SPAG9: variants seen among roughly 807,000 people sequenced by gnomAD.
The protein encoded by SPAG9 is C-Jun-amino-terminal kinase-interacting protein 4.
Under a neutral mutation model 166.5 loss-of-function variants are expected in SPAG9, and 35 were observed. That is an observed-to-expected ratio of 0.21 (90% CI 0.16 to 0.28). The LOEUF (loss-of-function observed/expected upper bound fraction) is 0.28. Among genes scored for constraint, SPAG9 ranks in the 10% least tolerant of loss-of-function variants. The pLI is 1.00. For missense variants in SPAG9, 1,235 were observed against 1,603.3 expected, an observed-to-expected ratio of 0.77 and a Z score of 3.92; for synonymous variants, 534 against 565.5, an observed-to-expected ratio of 0.94 and a Z score of 0.79.
intron 1 of SPAG9, among the ~76,000 whole-genome samples, chr17:51,089,409 A>G (rs1434893105): frequency 6.6e-6 from 1 of 151,628 alleles, no homozygotes; most frequent in African/African-American, 2.4e-5. Flanking sequence ...GGGCAACAAG[A>G]GTGAAACTCT....
chr17:51,013,569 C>T lies in SPAG9; in HGVS notation c.1213+663G>A, dbSNP rs573179073. ...GGGTCAGCTGGATTTGGCCCATAAG[C>T]GGCAGTTTGCCAGATTCCTGAACTA... is the stretch of plus-strand genomic sequence containing the variant. On this transcript the variant is annotated intron_variant, in intron 9 of 29. Transcript: ENST00000262013. Among the ~76,000 whole-genome samples, 9 of 152,248 alleles carry T rather than the reference C, an allele frequency of 5.9e-5. No individual in the cohort carries two copies. The South Asian group carries it at 6.2e-4, about 11-fold the overall frequency.
At chr17:51,084,625 T>C (rs1568072580) in intron 1 of SPAG9, among the ~76,000 whole-genome samples, 2 of 152,270 alleles carry the variant, frequency 1.3e-5, no homozygotes, top group South Asian at 4.1e-4. Flanking sequence ...GCCAGGATGG[T>C]CTCGAACTCC....
At chr17:51,001,391 T>C (rs1279094876) in intron 13 of SPAG9, among the ~76,000 whole-genome samples, 1 of 152,214 alleles carries the variant, frequency 6.6e-6, no homozygotes, top group African/African-American at 2.4e-5. Context: ...TTTTCCTGTG[T>C]TGCATATGAA....
intron 19 of SPAG9, among the ~76,000 whole-genome samples, chr17:50,991,049 G>A (rs571184271): frequency 1.3e-4 from 19 of 151,922 alleles, no homozygotes; most frequent in Non-Finnish European, 8.8e-5. Context: ...TGGGACTACC[G>A]GTGTGAGCCA....
rs1226628099 is a variant in SPAG9 at position 51,120,402 on chromosome 17, G to T, written c.255C>A (p.Leu85=). ...LELLRDDNEQ[L]ITQYEREKAL... is the part of the protein sequence containing the mutation. ...CCTTCTCCCGCTCGTACTGGGTGAT[G>T]AGCTGCTCGTTGTCGTCCCGCAGCA... The change falls in exon 1 of 30, where the codon CTC becomes CTA. Residue 85 remains leucine, a synonymous_variant. Transcript: ENST00000262013. The surrounding 1 kb of genome is among the most constrained non-coding windows in gnomAD (Gnocchi z 4.7). 6.2e-7 allele frequency: 1 copy of T among 1,611,002 alleles called. No individual in the cohort carries two copies. The highest frequency in any genetic ancestry group is 1.7e-5 in the Admixed American group (1 of 59,608).
rs138119890 is a variant in SPAG9 at position 50,980,959 on chromosome 17, G to A, written c.3238-1042C>T. On this transcript the variant is annotated intron_variant, in intron 25 of 29. Transcript: ENST00000262013. ...TGAGGCTGCAGTGAGCTATGATTGC[G>A]CCCCTGCACTCTATCCTGGGTGACA... 1.1e-3 allele frequency among the ~76,000 whole-genome samples: 167 copies of A among 152,188 alleles called. 4 individuals carry two copies. The East Asian group carries it at 0.023, about 21-fold the overall frequency.
chr17:51,062,689 CG>C (rs2047550366), intron 2 of SPAG9, among the ~76,000 whole-genome samples: 3 of 152,296 alleles, frequency 2.0e-5, no homozygotes, highest in Middle Eastern at 3.4e-3. Context: ...CTGCCAGGTT[CG>C]AGCAATTCTC....
intron 2 of SPAG9, among the ~76,000 whole-genome samples, chr17:51,076,171 C>T (rs544457713): frequency 1.3e-5 from 2 of 152,174 alleles, no homozygotes; most frequent in African/African-American, 2.4e-5. Flanking sequence ...CCTGTAATGC[C>T]AGCACTTTGG....
chr17:51,010,655 G>T (rs1347268819), intron 9 of SPAG9, among the ~76,000 whole-genome samples: 5 of 151,224 alleles, frequency 3.3e-5, no homozygotes, highest in African/African-American at 9.7e-5. Context: ...ACAAGCCTTG[G>T]TGATTAGCTG....
chr17:51,094,678 TA>T (rs1379717143), intron 1 of SPAG9, among the ~76,000 whole-genome samples: 1 of 152,154 alleles, frequency 6.6e-6, no homozygotes, highest in Non-Finnish European at 1.5e-5. Context: ...TAATAAGGAA[TA>T]TCCAGTTTTC....
At chr17:51,108,845 T>C (rs1202593465) in intron 1 of SPAG9, among the ~76,000 whole-genome samples, 1 of 152,030 alleles carries the variant, frequency 6.6e-6, no homozygotes, top group Non-Finnish European at 1.5e-5. Flanking sequence ...TTATTTTTTT[T>C]TGAGACAAAA....
intron 5 of SPAG9, among the ~76,000 whole-genome samples, chr17:51,032,921 C>T (rs901870745): frequency 1.3e-5 from 2 of 151,448 alleles, no homozygotes; most frequent in Admixed American, 6.6e-5. Context: ...GCAACAAGAG[C>T]GAAACTCCAT....
At chr17:50,982,476 G>A (rs371524993) in intron 25 of SPAG9, 48 bp downstream of exon 25, 93 of 1,533,316 alleles carry the variant, frequency 6.1e-5, no homozygotes, top group African/African-American at 4.6e-4. Context: ...AATAGTCTTC[G>A]GATAATACAA....
At chr17:50,974,660 G>C (rs1974089160) in intron 28 of SPAG9, 111 bp downstream of exon 28, 2 of 909,742 alleles carry the variant, frequency 2.2e-6, no homozygotes, top group South Asian at 2.2e-5. Flanking sequence ...CGTATATATT[G>C]AAATTACCTG....
chr17:51,073,605 A>T (rs965006993), intron 2 of SPAG9, among the ~76,000 whole-genome samples: 1 of 152,148 alleles, frequency 6.6e-6, no homozygotes, highest in Admixed American at 6.5e-5. Context: ...AAACAGTCAA[A>T]TAATTTCCCC....
intron 1 of SPAG9, among the ~76,000 whole-genome samples, chr17:51,095,987 ATAGT>A (rs2048625822): frequency 8.5e-6 from 1 of 117,186 alleles, no homozygotes; most frequent in Non-Finnish European, 1.8e-5. Flanking sequence ...ATATATATAT[ATAGT>A]GATATATATA....
At chr17:51,055,038 T>G (rs1180399795) in intron 3 of SPAG9, among the ~76,000 whole-genome samples, 1 of 152,094 alleles carries the variant, frequency 6.6e-6, no homozygotes, top group Non-Finnish European at 1.5e-5. Flanking sequence ...ATTAAAACAT[T>G]TTTTTAAATA....
intron 1 of SPAG9, among the ~76,000 whole-genome samples, chr17:51,088,601 C>T (rs1044710362): frequency 1.3e-5 from 2 of 152,010 alleles, no homozygotes; most frequent in Non-Finnish European, 2.9e-5. Flanking sequence ...TCGAGACCAA[C>T]CTGGCTAACA....
intron 1 of SPAG9, among the ~76,000 whole-genome samples, chr17:51,086,660 T>C (rs535853375): frequency 1.4e-5 from 2 of 146,836 alleles, no homozygotes; most frequent in African/African-American, 5.1e-5. Flanking sequence ...CTCCAAAAAT[T>C]ACAGGCTCAT....
Sources: allele counts gnomAD v4.1 joint callset (sites outside exome capture counted in the v4.1 genomes callset), GRCh38; gene constraint gnomAD v4.1.1; non-coding constraint Gnocchi (gnomAD v3.1); transcripts MANE v1.5; gene names NCBI Gene and HGNC (gene_info 2026-07-23, HGNC 2026-07-21).